KALRN: variants seen among roughly 807,000 people sequenced by gnomAD.
KALRN encodes kalirin RhoGEF kinase.
KALRN carries 70 observed loss-of-function variants against 353.7 expected under a neutral mutation model. The ratio of observed to expected loss-of-function variants is 0.20; its 90% CI spans 0.16 to 0.24. The LOEUF is 0.24. KALRN is among the 10% of genes least tolerant of loss of function. The pLI is 1.00. For missense variants in KALRN, 2,791 were observed against 3,756.7 expected (o/e 0.74, Z 6.72); for synonymous variants, 1,391 against 1,434.8 (o/e 0.97, Z 0.69).
intron 1 of KALRN, among the ~76,000 whole-genome samples, chr3:124,120,163 A>G (rs1206904056): frequency 6.6e-6 from 1 of 152,154 alleles, no homozygotes; most frequent in African/African-American, 2.4e-5. Context: ...TGATGAGGAT[A>G]CCCAGGCCTT....
chr3:124,339,689 A>G (rs962048222), intron 9 of KALRN, among the ~76,000 whole-genome samples: 1 of 152,154 alleles, frequency 6.6e-6, no homozygotes, highest in Non-Finnish European at 1.5e-5. Context: ...ACAGAACAAA[A>G]TGTCTTGTAG....
At chr3:124,095,649 A>G (rs2061399285) in intron 1 of KALRN, 1 of 152,230 alleles carries the variant, frequency 6.6e-6, no homozygotes, top group Non-Finnish European at 1.5e-5. Context: ...ATCTGACCTT[A>G]ATACATTTTA....
At chr3:124,194,942 T>A (rs1333001307) in intron 1 of KALRN, among the ~76,000 whole-genome samples, 1 of 152,188 alleles carries the variant, frequency 6.6e-6, no homozygotes, top group Non-Finnish European at 1.5e-5. Flanking sequence ...ACCTGAGTTT[T>A]AGGAAGAGAA....
intron 12 of KALRN, among the ~76,000 whole-genome samples, chr3:124,396,722 C>T (rs1248501836): frequency 6.6e-6 from 1 of 152,250 alleles, no homozygotes; most frequent in Non-Finnish European, 1.5e-5. Flanking sequence ...AACTGTAAAC[C>T]TGCACAATGC....
At chr3:124,551,921 C>T (rs1006003809) in intron 33 of KALRN, among the ~76,000 whole-genome samples, 1 of 152,196 alleles carries the variant, frequency 6.6e-6, no homozygotes, top group Non-Finnish European at 1.5e-5. Flanking sequence ...ACTCATTAGG[C>T]TTGGAGTCCT....
At chr3:124,163,504 C>T (rs2070340146) in intron 1 of KALRN, 1 of 652,848 alleles carries the variant, frequency 1.5e-6, no homozygotes, top group South Asian at 6.8e-5. Flanking sequence ...GAAAAAATGT[C>T]CCCATCTAAT....
Position 124,496,312 on chromosome 3 carries a change from G to A in KALRN, c.4834G>A (p.Asp1612Asn). The A allele has an allele frequency of 6.2e-7, 1 of 1,612,072 alleles. No individual in the cohort carries two copies. The highest frequency in any genetic ancestry group is 8.5e-7 in the Non-Finnish European group (1 of 1,178,862). Residue 1612 changes from aspartate (D) to asparagine (N), a missense_variant and splice_region_variant, in exon 33 of 60, where the codon GAT (aspartate) becomes AAT (asparagine). Asp to Asn is a conservative substitution (Grantham distance 23, BLOSUM62 1). Coordinates refer to ENST00000682506, the MANE Select transcript of KALRN (RefSeq NM_001388419.1). The stretch of plus-strand genomic sequence containing the variant: ...GTTTTTTTTCTCTTCTTCCTGCAGG[G>A]ATGGAGTGGAGGATATTGACAGCCA... ...PAKQRNNSKR[D>N]GVEDIDSQGD...
intron 29 of KALRN, among the ~76,000 whole-genome samples, chr3:124,489,139 TC>T (rs1285980541): frequency 1.3e-5 from 2 of 152,120 alleles, no homozygotes; most frequent in Admixed American, 6.5e-5. Flanking sequence ...AAACCCCGTC[TC>T]TACTAAAAAT....
Position 124,482,889 on chromosome 3 carries a change from C to T in KALRN, c.4273C>T (p.Leu1425=), listed in dbSNP as rs755706470. 6.2e-7 allele frequency: 1 copy of T among 1,609,358 alleles called. No homozygotes were observed. Among genetic ancestry groups the T allele is most frequent in the African/African-American group, 1.3e-5 (1 of 74,918 alleles). ...KPVQRITKYQ[L]LLKELLTCCE... ...TGTCCAAAGGATCACCAAATATCAA[C>T]TGCTCCTGAAGGTACCTCCCCTCCC... The change falls in exon 28 of 60, where the codon CTG becomes TTG. Residue 1425 remains leucine (L), a synonymous_variant. Transcript: ENST00000682506.
chr3:124,443,804 T>C (rs2093744681), intron 19 of KALRN, among the ~76,000 whole-genome samples: 1 of 152,174 alleles, frequency 6.6e-6, no homozygotes, highest in Non-Finnish European at 1.5e-5. Flanking sequence ...AAACTCTTTA[T>C]GATTTCTGCC....
intron 38 of KALRN, among the ~76,000 whole-genome samples, chr3:124,652,909 C>T (rs777587603): frequency 1.3e-5 from 2 of 152,188 alleles, no homozygotes; most frequent in Non-Finnish European, 2.9e-5. Flanking sequence ...TAGCTTGAAC[C>T]GGCCTTTGAG....
At chr3:124,631,693 A>G (rs2080802993) in intron 34 of KALRN, among the ~76,000 whole-genome samples, 1 of 152,162 alleles carries the variant, frequency 6.6e-6, no homozygotes, top group South Asian at 2.1e-4. Context: ...TGCCCTCAAT[A>G]TAGAAACCAG....
chr3:124,202,203 G>A (rs2075999375), intron 1 of KALRN, among the ~76,000 whole-genome samples: 3 of 152,180 alleles, frequency 2.0e-5, no homozygotes, highest in Non-Finnish European at 2.9e-5. Context: ...GATCTGGAAA[G>A]TTCCCTCTTT....
At chr3:124,545,650 AG>A in intron 33 of KALRN, among the ~76,000 whole-genome samples, 1 of 152,166 alleles carries the variant, frequency 6.6e-6, no homozygotes, top group Non-Finnish European at 1.5e-5. Flanking sequence ...AGGCCAGGGC[AG>A]GGGGTTGGGC....
At chr3:124,429,558 A>G (rs1174709992) in intron 15 of KALRN, among the ~76,000 whole-genome samples, 1 of 152,178 alleles carries the variant, frequency 6.6e-6, no homozygotes, top group Non-Finnish European at 1.5e-5. Context: ...GTGTTTGGCA[A>G]TGTTCTGGTG....
intron 6 of KALRN, among the ~76,000 whole-genome samples, chr3:124,325,469 T>C (rs556555474): frequency 2.0e-5 from 3 of 152,310 alleles, no homozygotes; most frequent in Admixed American, 2.0e-4. Flanking sequence ...TGCTAGGTGA[T>C]AGGAAGATGT....
intron 34 of KALRN, among the ~76,000 whole-genome samples, chr3:124,628,161 CTTCCT>C (rs1561462608): frequency 4.3e-5 from 2 of 46,156 alleles, no homozygotes; most frequent in African/African-American, 1.5e-4. Flanking sequence ...CCCTCCCTCC[CTTCCT>C]TCCTTCCCTC....
intron 5 of KALRN, among the ~76,000 whole-genome samples, chr3:124,270,075 C>T (rs1356965609): frequency 1.3e-5 from 2 of 152,154 alleles, no homozygotes; most frequent in African/African-American, 4.8e-5. Flanking sequence ...GCTGAGGATA[C>T]AAAGGTATCT....
chr3:124,601,270 G>T (rs1413188487), intron 34 of KALRN, among the ~76,000 whole-genome samples: 1 of 152,224 alleles, frequency 6.6e-6, no homozygotes. Context: ...AATGCACTCA[G>T]TAAGTGTTAG....
Sources: gnomAD v4.1 joint callset for allele counts (sites outside exome capture counted in the v4.1 genomes callset) on GRCh38, gnomAD v4.1.1 for gene constraint, MANE v1.5 for transcripts, NCBI Gene and HGNC (gene_info 2026-07-23, HGNC 2026-07-21) for gene names.